Variants in CENPC observed in about 807,000 individuals in gnomAD.
CENPC encodes centromere protein C.
A neutral mutation model predicts 112.1 loss-of-function variants in CENPC; 63 were observed. The ratio of observed to expected loss-of-function variants is 0.56; its 90% CI spans 0.46 to 0.69. CENPC has a LOEUF of 0.69. CENPC is among the 30% of genes least tolerant of loss of function. CENPC has a pLI of 0.00. For synonymous variants in CENPC, 333 were observed against 367.6 expected (o/e 0.91, Z 1.08); for missense variants, 1,000 against 1,103.8 (o/e 0.91, Z 1.33).
At chr4:67,500,569 G>A (rs1197124551) in intron 12 of CENPC, among the ~76,000 whole-genome samples, 1 of 152,044 alleles carries the variant, frequency 6.6e-6, no homozygotes, top group Non-Finnish European at 1.5e-5. Flanking sequence ...AACAAAGACA[G>A]TATTCACAGA....
At chr4:67,489,070 TA>T (rs1344663656) in intron 17 of CENPC, among the ~76,000 whole-genome samples, 1 of 152,006 alleles carries the variant, frequency 6.6e-6, no homozygotes, top group Non-Finnish European at 1.5e-5. Flanking sequence ...TCCTTAGCTA[TA>T]TTTTTTAACT....
intron 4 of CENPC, among the ~76,000 whole-genome samples, chr4:67,531,738 A>C (rs355478): frequency 0.018 from 2,795 of 152,056 alleles, 133 homozygotes; most frequent in Admixed American, 0.11. Context: ...TGGCCCCTTG[A>C]GGAACACAGG....
chr4:67,504,092 C>CAA (rs33925641), intron 12 of CENPC, among the ~76,000 whole-genome samples: 69,404 of 113,500 alleles, frequency 0.61, 19,701 homozygotes, highest in East Asian at 0.8. Context: ...GTGAATGGGG[C>CAA]AAAAAAAAAA....
At chr4:67,486,965 TAG>T (rs1725109869) in intron 17 of CENPC, among the ~76,000 whole-genome samples, 2 of 93,136 alleles carry the variant, frequency 2.1e-5, no homozygotes, top group African/African-American at 7.9e-5. Context: ...TATTTGCTTT[TAG>T]GTTTTTTTTT....
At chr4:67,514,768 AAAATCT>A in intron 7 of CENPC, 81 bp from the exon 8 acceptor site, 1 of 1,356,128 alleles carries the variant, frequency 7.4e-7, no homozygotes, top group Non-Finnish European at 9.9e-7. Flanking sequence ...TCTAGGAAAT[AAAATCT>A]AAATTTCTTT....
intron 4 of CENPC, 72 bp downstream of exon 4, chr4:67,539,768 T>C (rs374822283): frequency 1.0e-4 from 75 of 732,910 alleles, no homozygotes; most frequent in South Asian, 9.6e-4. Flanking sequence ...AACTAAAATA[T>C]ACATGAGTAT....
intron 17 of CENPC, among the ~76,000 whole-genome samples, chr4:67,483,783 T>TAA (rs947698086): frequency 1.3e-5 from 2 of 148,480 alleles, no homozygotes; most frequent in Non-Finnish European, 3.0e-5. Flanking sequence ...TTTTAAAAGT[T>TAA]AAAAAAAAAA....
chr4:67,512,868 C>T (rs927344684), intron 8 of CENPC, among the ~76,000 whole-genome samples: 3 of 151,954 alleles, frequency 2.0e-5, no homozygotes, highest in Non-Finnish European at 2.9e-5. Context: ...CTTCCTATAA[C>T]GTCCTAAGTA....
intron 17 of CENPC, among the ~76,000 whole-genome samples, chr4:67,476,854 T>C (rs1389001881): frequency 1.3e-5 from 2 of 152,208 alleles, no homozygotes; most frequent in Non-Finnish European, 2.9e-5. Context: ...GAGACTGGCC[T>C]AGCCTGGCTG....
In CENPC at chr4:67,509,751, T is replaced by G. The variant is rs532812944; in HGVS notation, c.1613-646A>C. Among the ~76,000 whole-genome samples the G allele has an allele frequency of 4.6e-5, 7 of 152,222 alleles. No homozygotes were observed. The South Asian group carries it at 1.5e-3, about 32-fold the overall frequency. On this transcript the variant is annotated intron_variant, in intron 9 of 18. Transcript: ENST00000273853. ...AGTCCTCATTATTTCATATCTGGAT[T>G]ATTAAAACAGTCTCTTTACTAATCT...
chr4:67,542,860 T>C (rs1384662744), intron 2 of CENPC, among the ~76,000 whole-genome samples: 1 of 152,200 alleles, frequency 6.6e-6, no homozygotes, highest in Non-Finnish European at 1.5e-5. Context: ...ATTACCTGTT[T>C]CAAGGATGAG....
At chr4:67,477,449 C>G (rs1016810939) in intron 17 of CENPC, among the ~76,000 whole-genome samples, 13 of 152,126 alleles carry the variant, frequency 8.5e-5, no homozygotes, top group Non-Finnish European at 1.9e-4. Context: ...CACAGAAGAG[C>G]AATAGCAATC....
intron 17 of CENPC, among the ~76,000 whole-genome samples, chr4:67,478,663 CA>C (rs373707554): frequency 0.22 from 32,206 of 149,146 alleles, 3,901 homozygotes; most frequent in Middle Eastern, 0.33. Context: ...CACACACACA[CA>C]CACCCAAAGT....
Position 67,544,156 on chromosome 4 carries a change from G to A in CENPC, c.58C>T (p.Pro20Ser). The change falls in exon 2 of 19, where the codon CCT (proline) becomes TCT (serine). Residue 20 changes from proline (P) to serine (S), a missense_variant. By Grantham distance (74) the Pro-to-Ser change is moderately conservative. Coordinates refer to ENST00000273853, the MANE Select transcript of CENPC (RefSeq NM_001812.4). ...CTTAAGTACGTAAATCACCTGGAAG[G>A]TCGACAAAATCTTCTTCTGTAGCCA... ...KNGYRRRFCR[P>S]SRARDINTEQ... 2.0e-6 allele frequency: 3 copies of A among 1,522,974 alleles called. No homozygotes were observed. The highest frequency in any genetic ancestry group is 2.7e-6 in the Non-Finnish European group (3 of 1,098,760). The allele number at this position is 1,522,974 out of a possible 1,614,324, so 94.3% of individuals were successfully genotyped here.
intron 12 of CENPC, among the ~76,000 whole-genome samples, chr4:67,497,875 G>A (rs1725484964): frequency 1.3e-5 from 2 of 151,444 alleles, no homozygotes; most frequent in Non-Finnish European, 2.9e-5. Flanking sequence ...ATGTGCAAGA[G>A]CATTATGTCT....
chr4:67,492,081 G>T, intron 16 of CENPC, 99 bp downstream of exon 16: 2 of 757,774 alleles, frequency 2.6e-6, no homozygotes, highest in South Asian at 1.9e-5. Context: ...TGATAGAATT[G>T]GGGAGAGAAA....
chr4:67,493,808 A>G (rs1725352319), intron 14 of CENPC, 76 bp downstream of exon 14: 1 of 825,752 alleles, frequency 1.2e-6, no homozygotes, highest in Non-Finnish European at 2.0e-6. Flanking sequence ...TAATGTATAT[A>G]AACATGTAGT....
At chr4:67,511,804 G>A (rs1014488993) in intron 9 of CENPC, among the ~76,000 whole-genome samples, 2 of 152,100 alleles carry the variant, frequency 1.3e-5, no homozygotes, top group Non-Finnish European at 2.9e-5. Flanking sequence ...GAATTAAGCA[G>A]CTCCTGTGGG....
chr4:67,509,166 A>C lies in CENPC; in HGVS notation c.1613-61T>G. On this transcript the variant is annotated intron_variant, in intron 9 of 18. Transcript: ENST00000273853. ...TTGTCCAGATGATTTGGCTCACTGA[A>C]ATACCAACAGCATTTATATTTGCAT... The C allele has an allele frequency of 2.6e-6, 3 of 1,147,062 alleles. 1 individual carries two copies. In the South Asian group the frequency reaches 4.4e-5, roughly 17 times the overall value. The allele number at this position is 1,147,062 out of a possible 1,614,324, so 71.1% of individuals were successfully genotyped here. A position where few individuals can be genotyped will look rare whatever the true frequency, so the allele number is the denominator to read the frequency against.
Sources: allele counts gnomAD v4.1 joint callset (sites outside exome capture counted in the v4.1 genomes callset), GRCh38; gene constraint gnomAD v4.1.1; transcripts MANE v1.5; gene names NCBI Gene and HGNC (gene_info 2026-07-23, HGNC 2026-07-21).